KCNC2: variants seen among roughly 807,000 people sequenced by gnomAD.
KCNC2 encodes the protein potassium voltage-gated channel subfamily C member 2, also known as voltage-gated potassium channel KCNC2.
KCNC2 carries 21 observed loss-of-function variants against 44.5 expected under a neutral mutation model. The ratio of observed to expected loss-of-function variants is 0.47; its 90% confidence interval spans 0.33 to 0.68. The LOEUF is 0.68. Ranked by LOEUF, KCNC2 falls within the 30% of genes least tolerant of loss-of-function variation. The probability of loss-of-function intolerance (pLI) is 0.01; values close to 1 mark genes in which losing one functional copy is unlikely to be tolerated. For missense variants in KCNC2, 589 were observed against 826.2 expected, an observed-to-expected ratio of 0.71 and a Z score of 3.52; for synonymous variants, 391 against 339.1, an observed-to-expected ratio of 1.15 and a Z score of -1.68.
At chr12:75,103,609 A>C (rs994807327) in intron 2 of KCNC2, among the ~76,000 whole-genome samples, 7 of 152,188 alleles carry the variant, frequency 4.6e-5, no homozygotes, top group African/African-American at 1.7e-4. Context: ...TGGGGCTACA[A>C]ATCTGAGTGC....
intron 2 of KCNC2, among the ~76,000 whole-genome samples, chr12:75,181,555 C>G (rs185025787): frequency 2.5e-4 from 38 of 152,306 alleles, no homozygotes; most frequent in African/African-American, 8.7e-4. Context: ...TGACCTTCCT[C>G]CAACAGCCTC....
intron 2 of KCNC2, among the ~76,000 whole-genome samples, chr12:75,126,093 A>C (rs1330242921): frequency 6.6e-6 from 1 of 152,172 alleles, no homozygotes; most frequent in Non-Finnish European, 1.5e-5. Context: ...GCAAAACTAA[A>C]AAACCCGAGT....
chr12:75,060,241 G>A (rs909235923), intron 2 of KCNC2, among the ~76,000 whole-genome samples: 4 of 151,850 alleles, frequency 2.6e-5, no homozygotes, highest in South Asian at 2.1e-4. Flanking sequence ...CCATTGAATC[G>A]CTGAATCCTG....
chr12:75,196,029 T>A (rs373477302), intron 2 of KCNC2, among the ~76,000 whole-genome samples: 5 of 152,072 alleles, frequency 3.3e-5, no homozygotes, highest in Non-Finnish European at 5.9e-5. Context: ...CTGAAAAATC[T>A]ATCTCCTCTT....
intron 2 of KCNC2, among the ~76,000 whole-genome samples, chr12:75,175,241 G>T (rs923436864): frequency 2.0e-5 from 3 of 151,908 alleles, no homozygotes; most frequent in African/African-American, 7.2e-5. Flanking sequence ...GTGATTGCGG[G>T]TCTGCTTTAT....
chr12:75,197,127 T>C (rs564529942), intron 2 of KCNC2, among the ~76,000 whole-genome samples: 5 of 152,168 alleles, frequency 3.3e-5, no homozygotes, highest in South Asian at 4.1e-4. Context: ...AGGTGATTCA[T>C]AGGCACATTC....
At chr12:75,169,017 T>C (rs1303233577) in intron 2 of KCNC2, among the ~76,000 whole-genome samples, 51 of 151,616 alleles carry the variant, frequency 3.4e-4, no homozygotes. Context: ...ATCATCAGTC[T>C]TCAGTTTAGA....
Position 75,041,742 on chromosome 12 carries a change from G to A in KCNC2, c.*1363C>T. On this transcript the variant is annotated 3_prime_UTR_variant, in exon 5 of 5. Transcript: ENST00000549446. ...GGCAACCAAGTGCAATGGTGAAATTGCTGCTTAAACCCTGCTTATCAAAAA... is the reference window on the plus strand; with the variant it reads ...GGCAACCAAGTGCAATGGTGAAATTACTGCTTAAACCCTGCTTATCAAAAA... 1.0e-6 allele frequency: 1 copy of A among 992,736 alleles called. No individual in the cohort carries two copies. The highest frequency in any genetic ancestry group is 1.2e-6 in the Non-Finnish European group (1 of 834,058). 61.5% of individuals were successfully genotyped at this position (992,736 alleles called of 1,614,324 possible).
chr12:75,078,497 T>C (rs1212879752), intron 2 of KCNC2, among the ~76,000 whole-genome samples: 2 of 152,190 alleles, frequency 1.3e-5, no homozygotes, highest in Non-Finnish European at 2.9e-5. Context: ...TTCAGTATTA[T>C]GTCTTCTCCA....
At chr12:75,058,521 C>T (rs956171498) in intron 2 of KCNC2, among the ~76,000 whole-genome samples, 2 of 151,930 alleles carry the variant, frequency 1.3e-5, no homozygotes, top group Non-Finnish European at 2.9e-5. Context: ...TTTGTTTTTA[C>T]TTAATGGAAA....
At position 75,209,547 on chromosome 12, in the gene KCNC2, G is replaced by C. The variant is rs1437881853; in HGVS notation, c.-360C>G. On this transcript the variant is annotated 5_prime_UTR_variant, in exon 1 of 5. Transcript: ENST00000549446. ...GGCACTGCCCGACCCCTCCGGGAGC[G>C]GGCAGATCGGCTGGCCGTGAATGGA... 1 of 152,264 alleles carries C rather than the reference G, an allele frequency of 6.6e-6. No homozygotes were observed. Among genetic ancestry groups the C allele is most frequent in the Admixed American group, 6.5e-5 (1 of 15,292 alleles). The allele number at this position is 152,264 out of a possible 1,614,324, so 9.4% of individuals were successfully genotyped here.
At chr12:75,166,721 AAAAAGATGTTATAAAAGAAATTAG>A (rs1325001355) in intron 2 of KCNC2, among the ~76,000 whole-genome samples, 59 of 151,430 alleles carry the variant, frequency 3.9e-4, no homozygotes, top group African/African-American at 1.4e-3. Context: ...CAATGGATCA[AAAAAGATGTTATAAAAGAAATTAG>A]AAAATACCTT....
intron 2 of KCNC2, among the ~76,000 whole-genome samples, chr12:75,117,877 G>A (rs1191276109): frequency 2.6e-5 from 4 of 152,062 alleles, no homozygotes; most frequent in African/African-American, 4.8e-5. Context: ...AATGAAGTTT[G>A]GGCATTACAC....
Position 75,190,629 on chromosome 12 carries a change from A to G in KCNC2, c.687+16668T>C, listed in dbSNP as rs2030114583. Among the ~76,000 whole-genome samples, 4 of 152,336 alleles carry G rather than the reference A, an allele frequency of 2.6e-5. No individual in the cohort carries two copies. The South Asian group carries it at 8.3e-4, about 32-fold the overall frequency. ...GCTAAGATAACTTTCTTATGTGAAT[A>G]CAACAGAAAGATATCCTCGGATATA... On this transcript the variant is annotated intron_variant, in intron 2 of 4. Transcript: ENST00000549446.
chr12:75,160,275 C>T (rs1209022104), intron 2 of KCNC2, among the ~76,000 whole-genome samples: 1 of 151,730 alleles, frequency 6.6e-6, no homozygotes, highest in Non-Finnish European at 1.5e-5. Flanking sequence ...AGATATAGGC[C>T]TCAAAAGAAA....
At chr12:75,204,786 C>T (rs906808124) in intron 2 of KCNC2, among the ~76,000 whole-genome samples, 1 of 152,040 alleles carries the variant, frequency 6.6e-6, no homozygotes, top group African/African-American at 2.4e-5. Flanking sequence ...AATATTAAGT[C>T]ACTTTTAAAT....
intron 2 of KCNC2, among the ~76,000 whole-genome samples, chr12:75,178,262 T>C (rs1394493506): frequency 6.6e-6 from 1 of 151,988 alleles, no homozygotes; most frequent in Non-Finnish European, 1.5e-5. Flanking sequence ...ACCAAAGAAA[T>C]TAGCACTGAT....
intron 4 of KCNC2, chr12:75,043,635 C>A: frequency 3.3e-6 from 4 of 1,228,530 alleles, no homozygotes; most frequent in East Asian, 3.2e-5. Flanking sequence ...AAGTAGGCTA[C>A]TTTTTCTCTT....
chr12:75,152,732 A>G (rs1030245157), intron 2 of KCNC2, among the ~76,000 whole-genome samples: 9 of 151,992 alleles, frequency 5.9e-5, no homozygotes, highest in African/African-American at 1.9e-4. Flanking sequence ...ATAATAATAC[A>G]TAAGTTGTTG....
Sources: allele counts gnomAD v4.1 joint callset (sites outside exome capture counted in the v4.1 genomes callset), GRCh38; gene constraint gnomAD v4.1.1; transcripts MANE v1.5; gene names NCBI Gene and HGNC (gene_info 2026-07-23, HGNC 2026-07-21).